EYS: variants seen among roughly 807,000 people sequenced by gnomAD.
EYS encodes protein eyes shut homolog.
EYS carries 250 observed loss-of-function variants against 282.1 expected under a neutral mutation model. The observed-to-expected ratio is 0.89, with a 90% confidence interval of 0.80 to 0.98. The LOEUF (loss-of-function observed/expected upper bound fraction) is 0.98. Ranked by LOEUF, EYS falls within the 50% of genes least tolerant of loss-of-function variation. The pLI, the probability that EYS is intolerant of heterozygous loss-of-function variation, is 0.00. For missense variants in EYS, 4,016 were observed against 3,709.0 expected (o/e 1.08, Z -2.15); for synonymous variants, 1,355 against 1,282.9 (o/e 1.06, Z -1.20).
chr6:64,340,334 T>C (rs780088003), intron 29 of EYS, among the ~76,000 whole-genome samples: 5 of 151,670 alleles, frequency 3.3e-5, no homozygotes, highest in South Asian at 2.1e-4. Flanking sequence ...TGTGAGGCTA[T>C]AGTAAACAAA....
chr6:65,537,947 T>C (rs1444664885), intron 2 of EYS, among the ~76,000 whole-genome samples: 2 of 152,198 alleles, frequency 1.3e-5, no homozygotes, highest in Non-Finnish European at 2.9e-5. Flanking sequence ...AACTCTTTGG[T>C]CAGGCTGAGT....
chr6:64,301,592 T>C (rs937124128), intron 30 of EYS, among the ~76,000 whole-genome samples: 3 of 152,232 alleles, frequency 2.0e-5, no homozygotes, highest in Non-Finnish European at 4.4e-5. Context: ...TGCTAGGTTA[T>C]GATCCTGATA....
At chr6:65,628,999 A>C (rs1296525907) in intron 2 of EYS, among the ~76,000 whole-genome samples, 1 of 152,234 alleles carries the variant, frequency 6.6e-6, no homozygotes, top group African/African-American at 2.4e-5. Context: ...AAAAAGCAAA[A>C]TTGAGAAATG....
intron 28 of EYS, among the ~76,000 whole-genome samples, chr6:64,409,793 T>G (rs1457243065): frequency 6.6e-6 from 1 of 152,150 alleles, no homozygotes; most frequent in South Asian, 2.1e-4. Flanking sequence ...TCAATTTATG[T>G]TGATAGGTCT....
At chr6:65,241,894 A>AT (rs1212008893) in intron 12 of EYS, among the ~76,000 whole-genome samples, 7 of 152,038 alleles carry the variant, frequency 4.6e-5, no homozygotes, top group Non-Finnish European at 4.4e-5. Context: ...GCTATTCCTA[A>AT]TGTGTGCATG....
chr6:65,249,661 T>G (rs944277953), intron 12 of EYS, among the ~76,000 whole-genome samples: 6 of 151,984 alleles, frequency 3.9e-5, no homozygotes, highest in African/African-American at 1.4e-4. Context: ...TGTTGGAAAT[T>G]TACAAAGCAA....
intron 13 of EYS, among the ~76,000 whole-genome samples, chr6:65,043,990 C>T (rs558250087): frequency 6.6e-6 from 1 of 151,794 alleles, no homozygotes; most frequent in East Asian, 2.0e-4. Context: ...TACTAATTTA[C>T]ATTCTCAGAA....
chr6:65,244,986 T>A (rs1460027836), intron 12 of EYS, among the ~76,000 whole-genome samples: 1 of 152,210 alleles, frequency 6.6e-6, no homozygotes, highest in Non-Finnish European at 1.5e-5. Context: ...ACAAAGTTAA[T>A]TTAAATATTT....
intron 26 of EYS, among the ~76,000 whole-genome samples, chr6:64,525,873 A>G (rs1314369679): frequency 6.6e-6 from 1 of 151,744 alleles, no homozygotes; most frequent in Non-Finnish European, 1.5e-5. Flanking sequence ...CTGGGCATTC[A>G]AACCCAGAGA....
chr6:63,958,669 T>C (rs1367992419), intron 35 of EYS, among the ~76,000 whole-genome samples: 3 of 152,282 alleles, frequency 2.0e-5, no homozygotes, highest in African/African-American at 7.2e-5. Context: ...TCAATGCCTG[T>C]TTTCAAAACT....
At chr6:64,685,624 G>A (rs1366522361) in intron 22 of EYS, among the ~76,000 whole-genome samples, 1 of 152,212 alleles carries the variant, frequency 6.6e-6, no homozygotes, top group South Asian at 2.1e-4. Flanking sequence ...TCCACGAGTG[G>A]AAACAGCCTG....
chr6:65,681,242 C>A (rs1340713839), intron 1 of EYS, among the ~76,000 whole-genome samples: 1 of 151,928 alleles, frequency 6.6e-6, no homozygotes, highest in Non-Finnish European at 1.5e-5. Context: ...CCAACTCATC[C>A]CTAGAGCCTT....
chr6:63,977,567 A>T (rs1479416640), intron 35 of EYS, among the ~76,000 whole-genome samples: 1 of 151,942 alleles, frequency 6.6e-6, no homozygotes, highest in Non-Finnish European at 1.5e-5. Context: ...CAGCTCTGCT[A>T]TTGGGTGAGG....
chr6:64,555,047 C>A (rs59699264), intron 26 of EYS, among the ~76,000 whole-genome samples: 6,207 of 151,872 alleles, frequency 0.041, 300 homozygotes, highest in East Asian at 0.11. Context: ...GAAATCAGTA[C>A]GTCAAAAAGA....
chr6:64,759,062 CCG>C (rs1474786419), intron 22 of EYS, among the ~76,000 whole-genome samples: 1 of 152,106 alleles, frequency 6.6e-6, no homozygotes, highest in African/African-American at 2.4e-5. Context: ...TGGCGTGAAC[CCG>C]GGAGGCGAAG....
chr6:64,342,357 A>G (rs969600324), intron 29 of EYS, among the ~76,000 whole-genome samples: 18 of 152,048 alleles, frequency 1.2e-4, no homozygotes, highest in African/African-American at 4.1e-4. Flanking sequence ...TCAGACTAAC[A>G]GCTGATCTCT....
intron 22 of EYS, among the ~76,000 whole-genome samples, chr6:64,666,489 C>A (rs552449946): frequency 2.6e-5 from 4 of 152,312 alleles, no homozygotes; most frequent in Non-Finnish European, 5.9e-5. Context: ...ATTCCCATTC[C>A]AATCTTTTGC....
At chr6:64,138,109 G>C (rs7748356) in intron 31 of EYS, among the ~76,000 whole-genome samples, 2,935 of 152,214 alleles carry the variant, frequency 0.019, 79 homozygotes, top group African/African-American at 0.066. Flanking sequence ...CGATTGGATT[G>C]ACCATTCCTA....
Position 64,635,515 on chromosome 6 carries a change from G to C in EYS, c.3444-9270C>G, listed in dbSNP as rs569872924. ...ATGTCCCATCAATACCTAATTTATT[G>C]AGAGTTTTTAGCATGAAGTAGTTGT... On this transcript the variant is annotated intron_variant, in intron 22 of 42. Coordinates refer to ENST00000503581, the MANE Select transcript of EYS (RefSeq NM_001142800.2). Among the ~76,000 whole-genome samples the C allele has an allele frequency of 5.9e-5, 9 of 152,274 alleles. No individual in the cohort carries two copies. The South Asian group carries it at 1.7e-3, about 28-fold the overall frequency.
Sources: gnomAD v4.1 joint callset for allele counts (sites outside exome capture counted in the v4.1 genomes callset) on GRCh38, gnomAD v4.1.1 for gene constraint, MANE v1.5 for transcripts, NCBI Gene and HGNC (gene_info 2026-07-23, HGNC 2026-07-21) for gene names.